The following ATP10B variants were observed in gnomAD, a reference collection of about 807,000 sequenced individuals.
ATP10B encodes phospholipid-transporting ATPase VB.
Under a neutral mutation model 141.2 loss-of-function variants are expected in ATP10B, and 122 were observed. The ratio of observed to expected loss-of-function variants is 0.86; its 90% confidence interval spans 0.75 to 1.00. The LOEUF is 1.00. ATP10B is among the 50% of genes least tolerant of loss of function. The pLI, the probability that ATP10B is intolerant of heterozygous loss-of-function variation, is 0.00. For synonymous variants in ATP10B, 685 were observed against 692.0 expected (o/e 0.99, Z 0.16); for missense variants, 1,876 against 1,825.3 (o/e 1.03, Z -0.51).
chr5:160,594,009 C>T (rs1345410938), intron 22 of ATP10B, among the ~76,000 whole-genome samples: 1 of 152,278 alleles, frequency 6.6e-6, no homozygotes, highest in East Asian at 1.9e-4. Context: ...CAAGGCAGGT[C>T]AACATTCAGA....
At chr5:160,919,223 C>CAAAAAAAA in the ATP10B span, among the ~76,000 whole-genome samples, 1,105 of 26,908 alleles carry the variant, frequency 0.041, 178 homozygotes, top group African/African-American at 0.053. Flanking sequence ...AACTCCGTCT[C>CAAAAAAAA]AAAAAAAAAA....
At chr5:160,680,705 T>C (rs572550661) in intron 6 of ATP10B, among the ~76,000 whole-genome samples, 1 of 152,342 alleles carries the variant, frequency 6.6e-6, no homozygotes, top group South Asian at 2.1e-4. Flanking sequence ...GAATGGCCCA[T>C]AGGCTTTCAG....
At chr5:160,779,915 T>C (rs1329863500) in intron 2 of ATP10B, among the ~76,000 whole-genome samples, 1 of 152,240 alleles carries the variant, frequency 6.6e-6, no homozygotes, top group Non-Finnish European at 1.5e-5. Flanking sequence ...TAGACATCAC[T>C]GATTATAAAA....
At chr5:160,656,964 C>T (rs1291889911) in intron 7 of ATP10B, among the ~76,000 whole-genome samples, 1 of 152,152 alleles carries the variant, frequency 6.6e-6, no homozygotes, top group Non-Finnish European at 1.5e-5. Context: ...CTCTTGGTGT[C>T]TGTTTCTACA....
At chr5:160,719,746 C>G (rs960928899) in intron 2 of ATP10B, among the ~76,000 whole-genome samples, 1 of 152,176 alleles carries the variant, frequency 6.6e-6, no homozygotes, top group Non-Finnish European at 1.5e-5. Flanking sequence ...GTGCCAGGTG[C>G]TGTTGAGTAG....
chr5:160,835,516 T>A (rs1184079952), intron 1 of ATP10B, among the ~76,000 whole-genome samples: 2 of 152,178 alleles, frequency 1.3e-5, no homozygotes, highest in Non-Finnish European at 2.9e-5. Flanking sequence ...CATGTGCTAC[T>A]TTTGGATCTT....
At chr5:160,601,647 C>T (rs1757103527) in intron 21 of ATP10B, among the ~76,000 whole-genome samples, 2 of 152,098 alleles carry the variant, frequency 1.3e-5, no homozygotes, top group Admixed American at 1.3e-4. Context: ...TTTTATAGGG[C>T]TATATGTTTT....
intron 3 of ATP10B, among the ~76,000 whole-genome samples, chr5:160,703,088 G>A (rs1764770426): frequency 6.6e-6 from 1 of 152,182 alleles, no homozygotes; most frequent in South Asian, 2.1e-4. Context: ...TGATGAAATT[G>A]TGGTTTGGAG....
At chr5:160,757,296 C>G (rs1768693047) in intron 2 of ATP10B, among the ~76,000 whole-genome samples, 1 of 152,118 alleles carries the variant, frequency 6.6e-6, no homozygotes, top group Non-Finnish European at 1.5e-5. Flanking sequence ...ATGCACAGAC[C>G]TTCATTTGCC....
intron 2 of ATP10B, among the ~76,000 whole-genome samples, chr5:160,752,570 C>T (rs1359047186): frequency 6.6e-6 from 1 of 152,100 alleles, no homozygotes; most frequent in East Asian, 1.9e-4. Flanking sequence ...AAATTTCGTT[C>T]TTTTTTTCTT....
rs114453252 is a variant in ATP10B at position 160,847,031 on chromosome 5, C to T, written c.-576+4910G>A. Among the ~76,000 whole-genome samples the T allele has an allele frequency of 6.0e-3, 921 of 152,266 alleles. 13 individuals are homozygous for T. Among genetic ancestry groups the T allele is most frequent in the African/African-American group, 0.021 (873 of 41,558 alleles). ...CTGGCTACTTCCAATATTACCTCTT[C>T]GATTAATTCTCAGGACAATCTTGTG... On this transcript the variant is annotated intron_variant, in intron 1 of 25. Transcript: ENST00000327245.
intron 7 of ATP10B, among the ~76,000 whole-genome samples, chr5:160,667,599 T>C (rs1561726734): frequency 6.6e-6 from 1 of 152,218 alleles, no homozygotes; most frequent in Non-Finnish European, 1.5e-5. Flanking sequence ...TCTCTCTTTT[T>C]TGTTTTTCTT....
intron 7 of ATP10B, among the ~76,000 whole-genome samples, chr5:160,662,925 A>G (rs946230293): frequency 3.3e-5 from 5 of 152,380 alleles, no homozygotes; most frequent in African/African-American, 1.2e-4. Context: ...TCCAGAATCT[A>G]CAATGAACTC....
At chr5:160,595,293 T>C (rs1195019125) in intron 22 of ATP10B, among the ~76,000 whole-genome samples, 2 of 152,018 alleles carry the variant, frequency 1.3e-5, no homozygotes, top group African/African-American at 4.8e-5. Context: ...GAATGACTAC[T>C]GGGTACATAA....
intron 2 of ATP10B, among the ~76,000 whole-genome samples, chr5:160,773,541 C>T (rs533881389): frequency 1.1e-3 from 163 of 152,234 alleles, no homozygotes; most frequent in African/African-American, 3.6e-3. Context: ...AATTTATATG[C>T]TATTTGTTAG....
chr5:160,647,873 A>G (rs147981836), intron 8 of ATP10B, among the ~76,000 whole-genome samples: 5 of 152,142 alleles, frequency 3.3e-5, no homozygotes, highest in African/African-American at 9.6e-5. Flanking sequence ...TATTCTTCTT[A>G]TTGTTTCTCC....
intron 2 of ATP10B, among the ~76,000 whole-genome samples, chr5:160,783,448 T>C (rs565265260): frequency 1.5e-4 from 13 of 89,166 alleles, no homozygotes; most frequent in African/African-American, 4.8e-4. Flanking sequence ...ATCCATCACA[T>C]ATATATATAT....
At chr5:160,763,623 A>G (rs1769199073) in intron 2 of ATP10B, among the ~76,000 whole-genome samples, 1 of 152,200 alleles carries the variant, frequency 6.6e-6, no homozygotes, top group Non-Finnish European at 1.5e-5. Flanking sequence ...AAGAGCATAA[A>G]TAGATAATCT....
chr5:160,866,077 G>A, the ATP10B span, among the ~76,000 whole-genome samples: 2 of 151,910 alleles, frequency 1.3e-5, no homozygotes, highest in African/African-American at 4.8e-5. Flanking sequence ...CTACCCAGAG[G>A]AAAAGAAGTC....
Sources: gnomAD v4.1 joint callset for allele counts (sites outside exome capture counted in the v4.1 genomes callset) on GRCh38, gnomAD v4.1.1 for gene constraint, MANE v1.5 for transcripts, NCBI Gene and HGNC (gene_info 2026-07-23, HGNC 2026-07-21) for gene names.